OSTN: variants seen among roughly 807,000 people sequenced by gnomAD.
OSTN encodes the protein osteocrin.
A neutral mutation model predicts 12.0 loss-of-function variants in OSTN; 9 were observed. The observed-to-expected ratio is 0.75, with a 90% CI of 0.45 to 1.30. The LOEUF (loss-of-function observed/expected upper bound fraction) is 1.30. OSTN is among the 50% of genes most tolerant of loss of function. OSTN has a pLI of 0.00. For synonymous variants in OSTN, 59 were observed against 56.9 expected (o/e 1.04, Z -0.16); for missense variants, 148 against 152.3 (o/e 0.97, Z 0.15).
chr3:191,201,921 A>G (rs1714160298), intron 1 of OSTN, among the ~76,000 whole-genome samples: 1 of 152,218 alleles, frequency 6.6e-6, no homozygotes, highest in African/African-American at 2.4e-5. Flanking sequence ...TGATTTACCC[A>G]GATTACTTCT....
Position 191,200,212 on chromosome 3 carries a change from C to T in OSTN, c.-1+905C>T, listed in dbSNP as rs532370021. On this transcript the variant is annotated intron_variant, in intron 1 of 4. Transcript: ENST00000682035. ...CTTACTTTGGTACTACTCTTCAGCA[C>T]GCTTACAGAACTTTTCTAAGGAGCA... is the stretch of plus-strand genomic sequence containing the variant. 8.5e-4 allele frequency among the ~76,000 whole-genome samples: 130 copies of T among 152,188 alleles called. 5 individuals carry two copies. In the South Asian group the frequency reaches 0.019, roughly 22 times the overall value.
intron 1 of OSTN, among the ~76,000 whole-genome samples, chr3:191,205,509 G>A (rs1012879669): frequency 2.6e-5 from 4 of 151,338 alleles, no homozygotes; most frequent in East Asian, 1.9e-4. Flanking sequence ...GCTGGTGGAG[G>A]TTGTAGAGAT....
chr3:191,204,235 T>G (rs1420001271), intron 1 of OSTN, among the ~76,000 whole-genome samples: 1 of 152,172 alleles, frequency 6.6e-6, no homozygotes. Flanking sequence ...TTTCTCAATG[T>G]CAGCTTGCTC....
intron 4 of OSTN, among the ~76,000 whole-genome samples, chr3:191,254,377 C>A (rs73888512): frequency 6.6e-6 from 1 of 152,180 alleles, no homozygotes; most frequent in Non-Finnish European, 1.5e-5. Flanking sequence ...TATCAGCAGG[C>A]GTGAAGGTTG....
chr3:191,219,058 C>A, intron 3 of OSTN, 97 bp downstream of exon 3: 1 of 1,069,000 alleles, frequency 9.4e-7, no homozygotes, highest in Non-Finnish European at 1.3e-6. Context: ...CAGTGAAAAC[C>A]TTGTATATAT....
Position 191,219,187 on chromosome 3 carries a change from A to G in OSTN, c.317+226A>G, listed in dbSNP as rs182062691. On this transcript the variant is annotated intron_variant, in intron 3 of 4. Transcript: ENST00000682035. ...CCTTAGCATTTTTGTCATGTTTCCT[A>G]AGAAAGATTCTGTCTTATGCAGATA... 9.2e-5 allele frequency among the ~76,000 whole-genome samples: 14 copies of G among 152,340 alleles called. 1 individual carries two copies. Among genetic ancestry groups the G allele is most frequent in the Admixed American group, 8.5e-4 (13 of 15,294 alleles).
intron 1 of OSTN, among the ~76,000 whole-genome samples, chr3:191,210,822 C>G (rs1454403219): frequency 1.3e-5 from 2 of 152,126 alleles, no homozygotes; most frequent in Non-Finnish European, 2.9e-5. Context: ...TGTGTTCATG[C>G]CTACTTTGTT....
chr3:191,264,573 T>C lies in OSTN; in HGVS notation c.*1720T>C, dbSNP rs1010578687. On this transcript the variant is annotated 3_prime_UTR_variant, in exon 5 of 5. Coordinates refer to ENST00000682035, the MANE Select transcript of OSTN (RefSeq NM_198184.2). Reference sequence around the variant, plus strand: ...TTTTCATAAACTTGTGTTAGAAAGCTAGCAATAGCACATAGGGAAGTATCC... The same window carrying C: ...TTTTCATAAACTTGTGTTAGAAAGCCAGCAATAGCACATAGGGAAGTATCC... The C allele has an allele frequency of 6.6e-6, 1 of 152,178 alleles. No individual in the cohort carries two copies. The highest frequency in any genetic ancestry group is 2.4e-5 in the African/African-American group (1 of 41,462). 9.4% of individuals were successfully genotyped at this position (152,178 alleles called of 1,614,324 possible).
chr3:191,263,283 T>G lies in OSTN; in HGVS notation c.*430T>G, dbSNP rs1370329310. The G allele has an allele frequency of 6.3e-6, 1 of 157,652 alleles. No homozygotes were observed. Among genetic ancestry groups the G allele is most frequent in the Admixed American group, 6.5e-5 (1 of 15,500 alleles). The allele number at this position is 157,652 out of a possible 1,614,324, so 9.8% of individuals were successfully genotyped here. On this transcript the variant is annotated 3_prime_UTR_variant, in exon 5 of 5. Coordinates refer to ENST00000682035, the MANE Select transcript of OSTN (RefSeq NM_198184.2). ...GAATGAGGAAAGGCAATGCTGTGTA[T>G]TTTCTGTTGAGTACTTTCACTTCCC...
intron 3 of OSTN, among the ~76,000 whole-genome samples, chr3:191,231,046 A>G (rs76806231): frequency 0.033 from 5,002 of 152,220 alleles, 284 homozygotes; most frequent in African/African-American, 0.11. Context: ...ATAGTTGATA[A>G]TTTATGCATT....
At chr3:191,235,274 C>A (rs1715161860) in intron 3 of OSTN, among the ~76,000 whole-genome samples, 1 of 152,112 alleles carries the variant, frequency 6.6e-6, no homozygotes, top group African/African-American at 2.4e-5. Context: ...TTCAAATAAC[C>A]ATTCTTATAT....
intron 4 of OSTN, among the ~76,000 whole-genome samples, chr3:191,253,389 T>C (rs2108553856): frequency 6.6e-6 from 1 of 152,306 alleles, no homozygotes; most frequent in East Asian, 1.9e-4. Context: ...CGCTGAGGTT[T>C]TGCTAACAGT....
chr3:191,201,520 G>C (rs1324848724), intron 1 of OSTN, among the ~76,000 whole-genome samples: 5 of 152,116 alleles, frequency 3.3e-5, no homozygotes, highest in Admixed American at 2.0e-4. Context: ...GGCACAATTA[G>C]AGCTAGAAGA....
chr3:191,257,401 T>C (rs982040573), intron 4 of OSTN, among the ~76,000 whole-genome samples: 11 of 152,144 alleles, frequency 7.2e-5, no homozygotes, highest in African/African-American at 2.2e-4. Flanking sequence ...TTTAATTACA[T>C]ATCAGATGCA....
intron 1 of OSTN, among the ~76,000 whole-genome samples, chr3:191,204,554 T>C (rs900508759): frequency 6.6e-5 from 10 of 152,150 alleles, no homozygotes; most frequent in African/African-American, 2.4e-4. Flanking sequence ...AGTTATCTGG[T>C]TTGTGAGGCA....
intron 3 of OSTN, among the ~76,000 whole-genome samples, chr3:191,245,576 G>T (rs1715409738): frequency 1.3e-5 from 2 of 152,120 alleles, no homozygotes; most frequent in African/African-American, 4.8e-5. Context: ...AAAAAGGAAA[G>T]AAAGGAAGTA....
chr3:191,260,244 G>A (rs1390709170), intron 4 of OSTN, among the ~76,000 whole-genome samples: 1 of 151,272 alleles, frequency 6.6e-6, no homozygotes, highest in Non-Finnish European at 1.5e-5. Context: ...CTAACTTAAA[G>A]GATCCGTCTT....
chr3:191,208,058 G>A (rs764490713), intron 1 of OSTN, among the ~76,000 whole-genome samples: 1 of 152,136 alleles, frequency 6.6e-6, no homozygotes, highest in Non-Finnish European at 1.5e-5. Flanking sequence ...TTCTTATAAG[G>A]CGGATTCCAT....
At chr3:191,211,955 T>A (rs1714429677) in intron 1 of OSTN, among the ~76,000 whole-genome samples, 1 of 152,154 alleles carries the variant, frequency 6.6e-6, no homozygotes, top group African/African-American at 2.4e-5. Context: ...CTTTTTTTAT[T>A]GTATTTAATA....
Sources: gnomAD v4.1 joint callset for allele counts (sites outside exome capture counted in the v4.1 genomes callset) on GRCh38, gnomAD v4.1.1 for gene constraint, MANE v1.5 for transcripts, NCBI Gene and HGNC (gene_info 2026-07-23, HGNC 2026-07-21) for gene names.